Variants in FLT1 observed in about 807,000 individuals in gnomAD.
FLT1 encodes fms related receptor tyrosine kinase 1, also known as vascular endothelial growth factor receptor 1.
In FLT1, 49 loss-of-function variants were observed where a neutral mutation model predicts 156.3. The observed-to-expected ratio is 0.31, with a 90% confidence interval of 0.25 to 0.40. The LOEUF is 0.40. Ranked by LOEUF, FLT1 falls within the 10% of genes least tolerant of loss-of-function variation. FLT1 has a pLI of 1.00. For missense variants in FLT1, 1,322 were observed against 1,637.2 expected (o/e 0.81, Z 3.32); for synonymous variants, 594 against 583.8 (o/e 1.02, Z -0.25).
At chr13:28,398,702 T>A (rs1875222860) in intron 11 of FLT1, among the ~76,000 whole-genome samples, 1 of 152,202 alleles carries the variant, frequency 6.6e-6, no homozygotes, top group East Asian at 1.9e-4. Flanking sequence ...TGAAAGTGTC[T>A]GCAATATGTG....
intron 3 of FLT1, among the ~76,000 whole-genome samples, chr13:28,448,015 A>T (rs996555192): frequency 1.3e-5 from 2 of 152,220 alleles, no homozygotes; most frequent in East Asian, 1.9e-4. Context: ...AAAGATACTT[A>T]ACATCATAAG....
At chr13:28,485,453 T>A (rs1881096728) in intron 1 of FLT1, among the ~76,000 whole-genome samples, 1 of 152,136 alleles carries the variant, frequency 6.6e-6, no homozygotes, top group Admixed American at 6.5e-5. Context: ...TTTTATTTTT[T>A]ATTTATTTAT....
At chr13:28,454,195 T>C (rs1343769439) in intron 3 of FLT1, among the ~76,000 whole-genome samples, 1 of 152,202 alleles carries the variant, frequency 6.6e-6, no homozygotes, top group African/African-American at 2.4e-5. Context: ...TACTTCCTAC[T>C]GTGTCCAGCA....
rs374452662 is a variant in FLT1, at chr13:28,319,531, G to C, written c.3178C>G (p.Arg1060Gly). 6.2e-7 allele frequency: 1 copy of C among 1,600,992 alleles called. No homozygotes were observed. The change falls in exon 24 of 30, where the codon CGA becomes GGA. Residue 1060 changes from arginine to glycine, a missense_variant. Physicochemically the swap from Arg to Gly is moderately radical, Grantham distance 125. Transcript: ENST00000282397. The stretch of plus-strand genomic sequence containing the variant: ...GGAGCCATCCATTTCAGAGGAAGTC[G>C]AGTCTAGAAGAGGGCAAGGGGGCCT... ...NPDYVRKGDT[R>G]LPLKWMAPES...
intron 14 of FLT1, among the ~76,000 whole-genome samples, chr13:28,366,187 C>T (rs958559319): frequency 4.6e-5 from 7 of 151,938 alleles, no homozygotes; most frequent in African/African-American, 1.7e-4. Flanking sequence ...CTGTGAAGGC[C>T]AATAAAAACA....
intron 3 of FLT1, among the ~76,000 whole-genome samples, chr13:28,465,128 A>G (rs1879781112): frequency 6.6e-6 from 1 of 152,026 alleles, no homozygotes; most frequent in African/African-American, 2.4e-5. Flanking sequence ...CAGCTGCAAA[A>G]TTACCTCTCT....
intron 29 of FLT1, 103 bp from the exon 30 acceptor site, chr13:28,303,471 T>G: frequency 1.0e-6 from 1 of 995,462 alleles, no homozygotes. Context: ...TTCATACCTG[T>G]CTAGAGTTCA....
chr13:28,381,602 C>T (rs1253449062), intron 14 of FLT1, among the ~76,000 whole-genome samples: 1 of 152,094 alleles, frequency 6.6e-6, no homozygotes, highest in Admixed American at 6.5e-5. Flanking sequence ...AAACTTAGTA[C>T]AGTTTACCAA....
chr13:28,471,715 A>C (rs2256849), intron 1 of FLT1, among the ~76,000 whole-genome samples: 1 of 152,006 alleles, frequency 6.6e-6, no homozygotes, highest in Non-Finnish European at 1.5e-5. Context: ...TCTCAGATGC[A>C]GATGAGAACT....
intron 13 of FLT1, chr13:28,386,157 A>C: frequency 9.5e-7 from 1 of 1,054,164 alleles, no homozygotes; most frequent in Non-Finnish European, 1.1e-6. Flanking sequence ...GCAGCTTAGG[A>C]GTGATGACAA....
rs375048548 is a variant in FLT1, at chr13:28,323,174, TA to T, written c.2797-229del. Among the ~76,000 whole-genome samples, 402 of 145,600 alleles carry T rather than the reference TA, an allele frequency of 2.8e-3. 1 individual carries two copies. Among genetic ancestry groups the T allele is most frequent in the African/African-American group, 8.3e-3 (331 of 40,108 alleles). ...CTTCTAGACAGCATCTTAGATCAGA[TA>T]AAAAAAAAAAATTAAGAGTGGTGGG... On this transcript the variant is annotated intron_variant, in intron 20 of 29. Coordinates refer to ENST00000282397, the MANE Select transcript of FLT1 (RefSeq NM_002019.4).
intron 1 of FLT1, among the ~76,000 whole-genome samples, chr13:28,493,519 T>TTTG (rs376578526): frequency 3.8e-4 from 58 of 152,050 alleles, no homozygotes; most frequent in Non-Finnish European, 5.0e-4. Context: ...TAACAAGCTT[T>TTTG]TTGTTGTTGT....
intron 16 of FLT1, among the ~76,000 whole-genome samples, chr13:28,342,814 G>A (rs919794784): frequency 1.3e-5 from 2 of 152,004 alleles, no homozygotes; most frequent in Non-Finnish European, 2.9e-5. Context: ...CATAAGACCT[G>A]GCATATTAAT....
intron 3 of FLT1, among the ~76,000 whole-genome samples, chr13:28,457,089 G>T (rs1879309818): frequency 6.6e-6 from 1 of 152,068 alleles, no homozygotes; most frequent in African/African-American, 2.4e-5. Flanking sequence ...GACTATGCAT[G>T]TGGGGACAAG....
At chr13:28,399,617 T>G (rs542316027) in intron 11 of FLT1, among the ~76,000 whole-genome samples, 13 of 152,178 alleles carry the variant, frequency 8.5e-5, no homozygotes, top group African/African-American at 2.9e-4. Flanking sequence ...GTCAAATAGG[T>G]CCAAATTTAT....
intron 28 of FLT1, 65 bp downstream of exon 28, chr13:28,308,778 G>T: frequency 1.0e-6 from 1 of 987,000 alleles, no homozygotes; most frequent in Non-Finnish European, 1.6e-6. Flanking sequence ...TGGCGTTGGT[G>T]TTTGGAAGGG....
intron 14 of FLT1, among the ~76,000 whole-genome samples, chr13:28,372,071 TA>T (rs1873617093): frequency 1.6e-3 from 45 of 28,670 alleles, no homozygotes; most frequent in African/African-American, 3.2e-3. Context: ...TATATATATA[TA>T]TATATTTTTT....
chr13:28,482,304 G>A (rs1466675236), intron 1 of FLT1, among the ~76,000 whole-genome samples: 1 of 152,016 alleles, frequency 6.6e-6, no homozygotes. Context: ...CCAGCGTGGC[G>A]GTGCATGCCT....
At chr13:28,387,958 G>T in intron 13 of FLT1, 1 of 1,061,562 alleles carries the variant, frequency 9.4e-7, no homozygotes, top group Non-Finnish European at 1.1e-6. Context: ...TTGCAAACAG[G>T]GGAAGGAAAT....
Sources: allele counts gnomAD v4.1 joint callset (sites outside exome capture counted in the v4.1 genomes callset), GRCh38; gene constraint gnomAD v4.1.1; transcripts MANE v1.5; gene names NCBI Gene and HGNC (gene_info 2026-07-23, HGNC 2026-07-21).